The following TMEM156 variants were observed in gnomAD, a reference collection of about 807,000 sequenced individuals.
The protein encoded by TMEM156 is transmembrane protein 156.
Under a neutral mutation model 30.5 loss-of-function variants are expected in TMEM156, and 28 were observed. The ratio of observed to expected loss-of-function variants is 0.92; its 90% CI spans 0.68 to 1.26. The LOEUF is 1.26. Among genes scored for constraint, TMEM156 ranks in the 50% most tolerant of loss-of-function variants. The probability of loss-of-function intolerance (pLI) is 0.00; values close to 1 mark genes in which losing one functional copy is unlikely to be tolerated. For synonymous variants in TMEM156, 137 were observed against 119.9 expected, an observed-to-expected ratio of 1.14 and a Z score of -0.93; for missense variants, 351 against 340.6, an observed-to-expected ratio of 1.03 and a Z score of -0.24.
chr4:38,973,791 G>A (rs963017416), intron 5 of TMEM156, among the ~76,000 whole-genome samples: 2 of 152,094 alleles, frequency 1.3e-5, no homozygotes, highest in Admixed American at 6.5e-5. Context: ...CACGCTTTTA[G>A]TGTTTCCCTA....
At chr4:39,028,787 C>T (rs1435464124) in intron 1 of TMEM156, among the ~76,000 whole-genome samples, 1 of 152,190 alleles carries the variant, frequency 6.6e-6, no homozygotes, top group Non-Finnish European at 1.5e-5. Flanking sequence ...TTTGTATCTC[C>T]ATTATCTACA....
At chr4:39,000,121 T>C (rs904692426) in intron 1 of TMEM156, among the ~76,000 whole-genome samples, 11 of 152,176 alleles carry the variant, frequency 7.2e-5, no homozygotes, top group African/African-American at 2.4e-4. Flanking sequence ...AGGCTGGGTG[T>C]GGTGGCTCAC....
At chr4:39,018,035 T>C (rs948739823) in intron 1 of TMEM156, among the ~76,000 whole-genome samples, 3 of 152,178 alleles carry the variant, frequency 2.0e-5, no homozygotes, top group African/African-American at 7.2e-5. Context: ...TATTAATGCT[T>C]CCTATTTGTA....
intron 6 of TMEM156, 88 bp from the exon 7 acceptor site, chr4:38,967,729 T>G (rs1159259659): frequency 6.6e-6 from 1 of 152,248 alleles, no homozygotes; most frequent in Non-Finnish European, 1.5e-5. Context: ...GAAAACAATT[T>G]TAAAACCGTT....
chr4:38,976,311 A>AT (rs1722849235), intron 5 of TMEM156, among the ~76,000 whole-genome samples: 2 of 134,906 alleles, frequency 1.5e-5, no homozygotes, highest in Non-Finnish European at 3.2e-5. Flanking sequence ...AAAAAAAAAA[A>AT]GCAAACTGCC....
chr4:39,007,757 C>A (rs1577563111), intron 1 of TMEM156, among the ~76,000 whole-genome samples: 1 of 152,024 alleles, frequency 6.6e-6, no homozygotes, highest in African/African-American at 2.4e-5. Flanking sequence ...GCACCCAGCC[C>A]TTTCTGTCTA....
intron 1 of TMEM156, among the ~76,000 whole-genome samples, chr4:39,004,772 A>G (rs973841002): frequency 2.0e-5 from 3 of 152,176 alleles, no homozygotes; most frequent in Admixed American, 6.6e-5. Flanking sequence ...TGAAACTCTC[A>G]TACATTGCTG....
chr4:38,988,915 T>C lies in TMEM156; in HGVS notation c.675A>G (p.Ile225Met). 1 of 1,613,648 alleles carries C rather than the reference T, an allele frequency of 6.2e-7. No homozygotes were observed. The highest frequency in any genetic ancestry group is 8.5e-7 in the Non-Finnish European group (1 of 1,179,624). ...TGCGGATAGTGAGGATGATCAAAAA[T>C]ATAAAAACTAATAGAACTAAAATAT... ...TWYILVLLVF[I>M]FLIILTIRKI... Residue 225 changes from isoleucine to methionine, a missense_variant, in exon 4 of 7, where the codon ATA becomes ATG. Physicochemically the swap from Ile to Met is conservative, Grantham distance 10 (BLOSUM62 1). Transcript: ENST00000381938.
At chr4:39,006,236 T>C (rs556159414) in intron 1 of TMEM156, among the ~76,000 whole-genome samples, 1 of 152,174 alleles carries the variant, frequency 6.6e-6, no homozygotes. Context: ...GCTTTTCAGA[T>C]TTTGCCAATT....
chr4:39,017,632 A>G (rs912292508), intron 1 of TMEM156, among the ~76,000 whole-genome samples: 1 of 152,208 alleles, frequency 6.6e-6, no homozygotes, highest in Non-Finnish European at 1.5e-5. Flanking sequence ...ACTGGGAAGT[A>G]TGTTTAAAAT....
intron 3 of TMEM156, among the ~76,000 whole-genome samples, chr4:38,993,454 G>T (rs1292944703): frequency 7.6e-6 from 1 of 131,054 alleles, no homozygotes; most frequent in Non-Finnish European, 1.7e-5. Flanking sequence ...CCACCCCACT[G>T]CAACAATAAA....
intron 5 of TMEM156, among the ~76,000 whole-genome samples, chr4:38,981,977 T>C (rs892435789): frequency 4.6e-5 from 7 of 152,184 alleles, no homozygotes; most frequent in Admixed American, 3.9e-4. Context: ...CTTGACTGCA[T>C]TGAAGGATGC....
At position 39,032,214 on chromosome 4, in the gene TMEM156, T is replaced by C. The variant is rs142599777; in HGVS notation, c.88+12A>G. On this transcript the variant is annotated intron_variant, in intron 1 of 6. Coordinates refer to ENST00000381938, the MANE Select transcript of TMEM156 (RefSeq NM_024943.3). ...TTAAGAAAGGAAAGCTAGATTACAA[T>C]TATATACTCACCTTTCGGTGTCTTG... 12 of 1,527,716 alleles carry C rather than the reference T, an allele frequency of 7.9e-6. No homozygotes were observed. In the African/African-American group the frequency reaches 1.4e-4, roughly 17 times the overall value. 94.6% of individuals were successfully genotyped at this position (1,527,716 alleles called of 1,614,324 possible).
intron 1 of TMEM156, among the ~76,000 whole-genome samples, chr4:39,004,037 T>C (rs1713561937): frequency 6.6e-6 from 1 of 152,192 alleles, no homozygotes; most frequent in Non-Finnish European, 1.5e-5. Flanking sequence ...AGAAGACACA[T>C]CCTTCCCCAG....
chr4:38,984,347 C>G (rs566273431), intron 5 of TMEM156, among the ~76,000 whole-genome samples: 10,501 of 130,004 alleles, frequency 0.081, 474 homozygotes, highest in Middle Eastern at 0.13. Context: ...CTCTCTCTCT[C>G]TCTGTGTGTG....
chr4:38,992,163 C>T (rs1413822394), intron 3 of TMEM156, among the ~76,000 whole-genome samples: 4 of 152,154 alleles, frequency 2.6e-5, no homozygotes, highest in African/African-American at 7.2e-5. Flanking sequence ...ATCTGAAAGG[C>T]TTCCGTATGT....
At chr4:38,996,225 A>G (rs1434239372) in intron 2 of TMEM156, among the ~76,000 whole-genome samples, 3 of 151,260 alleles carry the variant, frequency 2.0e-5, no homozygotes, top group Non-Finnish European at 2.9e-5. Flanking sequence ...AACTACAATC[A>G]GAAACACCTC....
At chr4:39,012,266 G>A (rs901030388) in intron 1 of TMEM156, among the ~76,000 whole-genome samples, 12 of 152,034 alleles carry the variant, frequency 7.9e-5, no homozygotes, top group South Asian at 6.2e-4. Flanking sequence ...TCAAAATCAC[G>A]TAATAAATAT....
intron 4 of TMEM156, among the ~76,000 whole-genome samples, chr4:38,986,943 A>G (rs1405772278): frequency 1.3e-5 from 2 of 150,496 alleles, no homozygotes; most frequent in Non-Finnish European, 2.9e-5. Flanking sequence ...TATGTTTAAT[A>G]TTCAATAACA....
Sources: gnomAD v4.1 joint callset for allele counts (sites outside exome capture counted in the v4.1 genomes callset) on GRCh38, gnomAD v4.1.1 for gene constraint, MANE v1.5 for transcripts, NCBI Gene and HGNC (gene_info 2026-07-23, HGNC 2026-07-21) for gene names.